Variants in MRPL3 observed in about 807,000 individuals in gnomAD.
The protein encoded by MRPL3 is large ribosomal subunit protein uL3m.
MRPL3 carries 43 observed loss-of-function variants against 44.3 expected under a neutral mutation model. The observed-to-expected ratio is 0.97, with a 90% CI of 0.76 to 1.25. The LOEUF (loss-of-function observed/expected upper bound fraction) is 1.25. Among genes scored for constraint, MRPL3 ranks in the 50% most tolerant of loss-of-function variants. The pLI, the probability that MRPL3 is intolerant of heterozygous loss-of-function variation, is 0.00. For synonymous variants in MRPL3, 171 were observed against 152.3 expected (o/e 1.12, Z -0.91); for missense variants, 406 against 427.6 (o/e 0.95, Z 0.45).
chr3:131,491,201 T>C (rs1352901184), intron 4 of MRPL3, among the ~76,000 whole-genome samples: 7 of 152,160 alleles, frequency 4.6e-5, no homozygotes, highest in African/African-American at 9.6e-5. Flanking sequence ...GAACCCAGTT[T>C]AATCAGCACT....
chr3:131,500,034 T>TA (rs1934458234), intron 3 of MRPL3, among the ~76,000 whole-genome samples: 1 of 152,104 alleles, frequency 6.6e-6, no homozygotes, highest in Non-Finnish European at 1.5e-5. Flanking sequence ...GTGAACAAAA[T>TA]ACAGCCTCAC....
chr3:131,490,141 T>G, intron 4 of MRPL3, 61 bp from the exon 5 acceptor site: 1 of 1,213,702 alleles, frequency 8.2e-7, no homozygotes, highest in Non-Finnish European at 1.2e-6. Context: ...ATTAAATGCA[T>G]GGAGATCTAA....
At chr3:131,479,662 G>A (rs557353192) in intron 6 of MRPL3, among the ~76,000 whole-genome samples, 2 of 152,248 alleles carry the variant, frequency 1.3e-5, no homozygotes, top group Admixed American at 6.5e-5. Flanking sequence ...TGGATAACAC[G>A]GTGAAACCCC....
chr3:131,496,863 C>G (rs1172663590), intron 4 of MRPL3, among the ~76,000 whole-genome samples: 2 of 152,152 alleles, frequency 1.3e-5, no homozygotes, highest in Admixed American at 1.3e-4. Context: ...AAGTCTAAAC[C>G]TCACACACTA....
intron 6 of MRPL3, among the ~76,000 whole-genome samples, chr3:131,475,196 T>C (rs778893676): frequency 5.3e-5 from 8 of 152,286 alleles, no homozygotes; most frequent in African/African-American, 1.9e-4. Flanking sequence ...TATTATTATA[T>C]AGTGTACTGT....
chr3:131,463,884 C>G (rs530032908), intron 9 of MRPL3, among the ~76,000 whole-genome samples: 1 of 151,930 alleles, frequency 6.6e-6, no homozygotes, highest in Non-Finnish European at 1.5e-5. Flanking sequence ...ATTATATACA[C>G]GAGTAAAATG....
chr3:131,479,218 G>A (rs551057674), intron 6 of MRPL3: 6 of 515,008 alleles, frequency 1.2e-5, no homozygotes, highest in African/African-American at 7.7e-5. Flanking sequence ...GTCAGGCAAG[G>A]TCTACGAGTA....
chr3:131,472,974 C>T (rs1284862232), intron 6 of MRPL3, among the ~76,000 whole-genome samples: 3 of 151,984 alleles, frequency 2.0e-5, no homozygotes, highest in African/African-American at 2.4e-5. Flanking sequence ...ACTGCTAAAA[C>T]GGCCATACTA....
intron 1 of MRPL3, chr3:131,502,065 C>T (rs1254038508): frequency 1.2e-5 from 8 of 660,942 alleles, no homozygotes; most frequent in Non-Finnish European, 2.0e-5. Flanking sequence ...CAGAAGGTGG[C>T]ATGTTGATCT....
chr3:131,475,830 T>C (rs1438749597), intron 6 of MRPL3, among the ~76,000 whole-genome samples: 1 of 152,210 alleles, frequency 6.6e-6, no homozygotes. Flanking sequence ...GAAAGTACAG[T>C]GCTTGGCAAT....
chr3:131,484,789 CAAT>C (rs917187589), intron 6 of MRPL3, among the ~76,000 whole-genome samples: 1 of 152,098 alleles, frequency 6.6e-6, no homozygotes, highest in Non-Finnish European at 1.5e-5. Flanking sequence ...CACCTTACAG[CAAT>C]AATAAGATGT....
chr3:131,462,423 TTAAGA>T lies in MRPL3; in HGVS notation c.*295_*299del, dbSNP rs567308599. The T allele has an allele frequency of 8.0e-5, 18 of 225,112 alleles. No homozygotes were observed. The East Asian group carries it at 1.4e-3, about 17-fold the overall frequency. The allele number at this position is 225,112 out of a possible 1,614,324, so 13.9% of individuals were successfully genotyped here. A position where few individuals can be genotyped will look rare whatever the true frequency, so the allele number is the denominator to read the frequency against. ...AATAAAAGTTAAATTTACAGACATC[TTAAGA>T]TAACTTGGGAAATATGTAGTAAAAA... On this transcript the variant is annotated 3_prime_UTR_variant, in exon 10 of 10. Transcript: ENST00000264995.
intron 4 of MRPL3, among the ~76,000 whole-genome samples, chr3:131,493,678 C>T (rs976701678): frequency 2.6e-5 from 4 of 152,182 alleles, no homozygotes; most frequent in East Asian, 1.9e-4. Flanking sequence ...TGGAACACGA[C>T]GTTACTGTGT....
chr3:131,495,867 T>C (rs973839228), intron 4 of MRPL3, among the ~76,000 whole-genome samples: 1 of 152,204 alleles, frequency 6.6e-6, no homozygotes, highest in Non-Finnish European at 1.5e-5. Context: ...AACTGGAAGA[T>C]AATTCAGAGA....
chr3:131,490,432 T>G (rs943213976), intron 4 of MRPL3, among the ~76,000 whole-genome samples: 1 of 152,180 alleles, frequency 6.6e-6, no homozygotes, highest in African/African-American at 2.4e-5. Flanking sequence ...AAAAATCAAC[T>G]CTGCCTATTC....
chr3:131,474,073 A>G (rs1046495552), intron 6 of MRPL3, among the ~76,000 whole-genome samples: 4 of 152,188 alleles, frequency 2.6e-5, no homozygotes, highest in African/African-American at 9.6e-5. Context: ...TCCAAAGGAC[A>G]TGAAATCAAC....
intron 9 of MRPL3, among the ~76,000 whole-genome samples, chr3:131,463,782 T>C (rs774222590): frequency 7.2e-5 from 11 of 152,192 alleles, no homozygotes; most frequent in Admixed American, 2.0e-4. Context: ...TGTTGAGTTT[T>C]ATTTTTGGAA....
In MRPL3 at chr3:131,501,919, G is replaced by T. The variant is rs148695966; in HGVS notation, c.93-204C>A. 1.6e-4 allele frequency: 239 copies of T among 1,535,372 alleles called. 2 individuals carry two copies. In the East Asian group the frequency reaches 4.7e-3, roughly 30 times the overall value. Reference sequence around the variant, plus strand: ...AAGGCTCACATTTAAACTGTTAGTCGTTACCCTGGAGAAAAAAATTCATCT... The same window carrying T: ...AAGGCTCACATTTAAACTGTTAGTCTTTACCCTGGAGAAAAAAATTCATCT... On this transcript the variant is annotated intron_variant, in intron 1 of 9. Coordinates refer to ENST00000264995, the MANE Select transcript of MRPL3 (RefSeq NM_007208.4).
chr3:131,479,188 C>T (rs774522148), intron 6 of MRPL3: 1 of 518,952 alleles, frequency 1.9e-6, no homozygotes, highest in East Asian at 5.4e-5. Context: ...CACTGTCCCC[C>T]CTGCCTGGAC....
Sources: gnomAD v4.1 joint callset for allele counts (sites outside exome capture counted in the v4.1 genomes callset) on GRCh38, gnomAD v4.1.1 for gene constraint, MANE v1.5 for transcripts, NCBI Gene and HGNC (gene_info 2026-07-23, HGNC 2026-07-21) for gene names.